Variants in COL24A1 observed in about 807,000 individuals in gnomAD.
The protein encoded by COL24A1 is collagen alpha-1(XXIV) chain.
COL24A1 carries 224 observed loss-of-function variants against 253.9 expected under a neutral mutation model. That is an observed-to-expected ratio of 0.88 (90% CI 0.79 to 0.99). COL24A1 has a LOEUF of 0.99. COL24A1 is among the 50% of genes least tolerant of loss of function. The pLI, the probability that COL24A1 is intolerant of heterozygous loss-of-function variation, is 0.00. For synonymous variants in COL24A1, 685 were observed against 673.7 expected (o/e 1.02, Z -0.26); for missense variants, 2,131 against 2,068.5 (o/e 1.03, Z -0.59).
intron 12 of COL24A1, among the ~76,000 whole-genome samples, chr1:86,046,479 T>C (rs1275298062): frequency 6.6e-6 from 1 of 152,174 alleles, no homozygotes; most frequent in Non-Finnish European, 1.5e-5. Flanking sequence ...AGATTGAACC[T>C]CTACAACATC....
At chr1:85,981,943 T>G (rs1693293983) in intron 20 of COL24A1, among the ~76,000 whole-genome samples, 1 of 152,150 alleles carries the variant, frequency 6.6e-6, no homozygotes, top group African/African-American at 2.4e-5. Context: ...TATATCTTGT[T>G]GATATAAACA....
At chr1:86,071,818 A>C (rs1701892891) in intron 7 of COL24A1, among the ~76,000 whole-genome samples, 3 of 152,126 alleles carry the variant, frequency 2.0e-5, no homozygotes, top group Admixed American at 2.0e-4. Context: ...CACTTTCAGC[A>C]AGACTGGGAC....
intron 37 of COL24A1, among the ~76,000 whole-genome samples, chr1:85,849,981 G>A (rs1677575408): frequency 1.3e-5 from 2 of 152,028 alleles, no homozygotes; most frequent in Admixed American, 6.6e-5. Flanking sequence ...TCTCACTGGA[G>A]TAGAAAGAGT....
intron 20 of COL24A1, among the ~76,000 whole-genome samples, chr1:85,982,159 A>G (rs1693316718): frequency 6.6e-6 from 1 of 152,166 alleles, no homozygotes; most frequent in Admixed American, 6.6e-5. Context: ...TAAGTCAAAT[A>G]AGCCAGTCAT....
At chr1:85,945,812 C>A (rs1689273670) in intron 24 of COL24A1, among the ~76,000 whole-genome samples, 1 of 151,830 alleles carries the variant, frequency 6.6e-6, no homozygotes, top group Non-Finnish European at 1.5e-5. Flanking sequence ...TAATATAGTT[C>A]TTTATGACTT....
intron 24 of COL24A1, among the ~76,000 whole-genome samples, chr1:85,924,350 T>C (rs1686927432): frequency 6.6e-6 from 1 of 152,150 alleles, no homozygotes; most frequent in Non-Finnish European, 1.5e-5. Flanking sequence ...TACGAAAGCC[T>C]GGCAGAGACA....
At chr1:86,007,314 A>T (rs1696067951) in intron 19 of COL24A1, among the ~76,000 whole-genome samples, 1 of 152,164 alleles carries the variant, frequency 6.6e-6, no homozygotes, top group Admixed American at 6.5e-5. Context: ...AATCCAGAAC[A>T]CTGACACCAA....
chr1:85,986,972 T>TC (rs1693772085), intron 20 of COL24A1, among the ~76,000 whole-genome samples: 1 of 151,912 alleles, frequency 6.6e-6, no homozygotes, highest in African/African-American at 2.4e-5. Flanking sequence ...TAGGGATATT[T>TC]CCTAGTATAC....
intron 35 of COL24A1, among the ~76,000 whole-genome samples, chr1:85,871,208 GC>G (rs1182880137): frequency 2.0e-5 from 3 of 151,984 alleles, no homozygotes; most frequent in Non-Finnish European, 4.4e-5. Flanking sequence ...ATAATTAATA[GC>G]CTACCAACCA....
At chr1:86,146,076 G>A (rs1465054910) in intron 2 of COL24A1, 43 bp downstream of exon 2, 1 of 1,512,838 alleles carries the variant, frequency 6.6e-7, no homozygotes, top group Non-Finnish European at 9.1e-7. Context: ...TCTGGAAGTA[G>A]AATTTTTAAG....
At chr1:85,974,296 A>G (rs1023741613) in intron 20 of COL24A1, among the ~76,000 whole-genome samples, 3 of 152,158 alleles carry the variant, frequency 2.0e-5, no homozygotes, top group African/African-American at 7.2e-5. Context: ...GCGCACCTGG[A>G]GTATTTGTGC....
At chr1:85,948,246 C>T (rs115689897) in intron 24 of COL24A1, among the ~76,000 whole-genome samples, 4,893 of 152,154 alleles carry the variant, frequency 0.032, 266 homozygotes, top group African/African-American at 0.11. Context: ...ACCATTAGGC[C>T]GGGCGCGGTG....
Position 86,040,430 on chromosome 1 carries a change from G to A in COL24A1, c.1950+6395C>T, listed in dbSNP as rs540315863. 1.2e-3 allele frequency among the ~76,000 whole-genome samples: 177 copies of A among 149,772 alleles called. 3 individuals are homozygous for A. The highest frequency in any genetic ancestry group is 6.8e-3 in the Middle Eastern group (2 of 294). The stretch of plus-strand genomic sequence containing the variant: ...GCTGCACCCACTAACTCGTCATCTA[G>A]CATTAGGTATATCTCCCAATGCTAT... On this transcript the variant is annotated intron_variant, in intron 12 of 59. Coordinates refer to ENST00000370571, the MANE Select transcript of COL24A1 (RefSeq NM_152890.7).
chr1:86,067,501 T>C (rs1297790603), intron 7 of COL24A1, among the ~76,000 whole-genome samples: 1 of 152,178 alleles, frequency 6.6e-6, no homozygotes, highest in Non-Finnish European at 1.5e-5. Flanking sequence ...GATGAATGAA[T>C]GAATGGATGA....
chr1:85,737,335 C>T, intron 58 of COL24A1, 61 bp downstream of exon 58: 1 of 924,976 alleles, frequency 1.1e-6, no homozygotes, highest in Non-Finnish European at 1.6e-6. Context: ...GAATTTTAAA[C>T]ATAATTTTTC....
At chr1:86,013,739 G>A (rs974371257) in intron 19 of COL24A1, among the ~76,000 whole-genome samples, 1 of 152,166 alleles carries the variant, frequency 6.6e-6, no homozygotes, top group African/African-American at 2.4e-5. Context: ...GGGAGGCTGA[G>A]GCAGGAGAAT....
At position 86,142,522 on chromosome 1, in the gene COL24A1, C is replaced by CAAA. The variant is rs554778074; in HGVS notation, c.121+3594_121+3596dup. Among the ~76,000 whole-genome samples, 325 of 115,236 alleles carry CAAA rather than the reference C, an allele frequency of 2.8e-3. 2 individuals are homozygous for CAAA. Among genetic ancestry groups the CAAA allele is most frequent in the East Asian group, 0.014 (53 of 3,714 alleles). The allele number at this position is 115,236 out of a possible 152,430, so 75.6% of individuals were successfully genotyped here. A position where few individuals can be genotyped will look rare whatever the true frequency, so the allele number is the denominator to read the frequency against. On this transcript the variant is annotated intron_variant, in intron 2 of 59. Coordinates refer to ENST00000370571, the MANE Select transcript of COL24A1 (RefSeq NM_152890.7). ...TGGACGACAGAGTGAGACACTGCCT[C>CAAA]AAAAAAAAAAACAAAAAACAAAAAA...
In COL24A1 at chr1:85,884,001, C is replaced by A. The variant is rs534913428; in HGVS notation, c.2976+5559G>T. On this transcript the variant is annotated intron_variant, in intron 32 of 59. Coordinates refer to ENST00000370571, the MANE Select transcript of COL24A1 (RefSeq NM_152890.7). ...TATTTTATTTTACCTTTATTTATTC[C>A]TTCGCCAACACTCCTTTCCTAGATG... Among the ~76,000 whole-genome samples the A allele has an allele frequency of 2.0e-5, 3 of 152,166 alleles. No individual in the cohort carries two copies. In the East Asian group the frequency reaches 5.8e-4, roughly 29 times the overall value.
At position 86,133,620 on chromosome 1, in the gene COL24A1, G is replaced by A. The variant is rs186024278; in HGVS notation, c.122-7406C>T. Among the ~76,000 whole-genome samples the A allele has an allele frequency of 3.9e-5, 6 of 152,270 alleles. No individual in the cohort carries two copies. The East Asian group carries it at 5.8e-4, about 15-fold the overall frequency. On this transcript the variant is annotated intron_variant, in intron 2 of 59. Coordinates refer to ENST00000370571, the MANE Select transcript of COL24A1 (RefSeq NM_152890.7). The stretch of plus-strand genomic sequence containing the variant: ...CTGTTGAGATAATCATGTGGTTTTC[G>A]TCATTGGCTCTGTTTATATGCTGGA...
Sources: gnomAD v4.1 joint callset for allele counts (sites outside exome capture counted in the v4.1 genomes callset) on GRCh38, gnomAD v4.1.1 for gene constraint, MANE v1.5 for transcripts, NCBI Gene and HGNC (gene_info 2026-07-23, HGNC 2026-07-21) for gene names.